KLF12: variants seen among roughly 807,000 people sequenced by gnomAD.
KLF12 encodes KLF transcription factor 12, also known as Krueppel-like factor 12.
KLF12 carries 9 observed loss-of-function variants against 37.8 expected under a neutral mutation model. The ratio of observed to expected loss-of-function variants is 0.24; its 90% confidence interval spans 0.14 to 0.42. KLF12 has a LOEUF of 0.42. Among genes scored for constraint, KLF12 ranks in the 10% least tolerant of loss-of-function variants. The pLI is 1.00. For synonymous variants in KLF12, 208 were observed against 202.1 expected (o/e 1.03, Z -0.25); for missense variants, 411 against 516.0 (o/e 0.80, Z 1.97).
chr13:74,234,670 A>G, the KLF12 span, among the ~76,000 whole-genome samples: 7 of 152,256 alleles, frequency 4.6e-5, no homozygotes, highest in East Asian at 1.2e-3. Context: ...TCGTTTGGCT[A>G]TACATACATT....
chr13:73,753,782 A>G (rs1021543319), intron 6 of KLF12, among the ~76,000 whole-genome samples: 3 of 152,202 alleles, frequency 2.0e-5, no homozygotes, highest in African/African-American at 4.8e-5. Flanking sequence ...AGGAGAAAAT[A>G]AAGAAGACAA....
Position 74,094,596 on chromosome 13 carries a change from ATCTTT to A in KLF12, c.-32+39138_-32+39142del, listed in dbSNP as rs1489073851. ...ACCCCACAACCAGAAAAGCTTTTCTATCTTTTCTTTTTTTTTTTTTTGAGATGGAG... is the reference window on the plus strand; with the variant it reads ...ACCCCACAACCAGAAAAGCTTTTCTATCTTTTTTTTTTTTTTGAGATGGAG... On this transcript the variant is annotated intron_variant, in intron 1 of 7. Coordinates refer to ENST00000377669, the MANE Select transcript of KLF12 (RefSeq NM_007249.5). 2.7e-5 allele frequency among the ~76,000 whole-genome samples: 4 copies of A among 149,732 alleles called. No individual in the cohort carries two copies. In the Admixed American group the frequency reaches 2.7e-4, roughly 10 times the overall value.
At chr13:74,153,293 A>C in the KLF12 span, among the ~76,000 whole-genome samples, 1 of 152,056 alleles carries the variant, frequency 6.6e-6, no homozygotes, top group African/African-American at 2.4e-5. Flanking sequence ...ATTCTTTCTC[A>C]ATTTTTTCTT....
intron 1 of KLF12, among the ~76,000 whole-genome samples, chr13:74,048,688 T>C (rs143509449): frequency 6.6e-6 from 1 of 152,066 alleles, no homozygotes; most frequent in Non-Finnish European, 1.5e-5. Context: ...CATAAATAAC[T>C]GACAGAAAGG....
intron 5 of KLF12, among the ~76,000 whole-genome samples, chr13:73,770,257 A>G (rs1848355535): frequency 6.6e-6 from 1 of 152,114 alleles, no homozygotes. Context: ...TCTCCTGATG[A>G]TTTAGGTTAC....
At chr13:73,813,936 T>C (rs1883076513) in intron 4 of KLF12, among the ~76,000 whole-genome samples, 1 of 152,226 alleles carries the variant, frequency 6.6e-6, no homozygotes, top group Admixed American at 6.5e-5. Context: ...TTTCCAGATA[T>C]GATTCTTCTC....
chr13:74,298,571 G>A, the KLF12 span, among the ~76,000 whole-genome samples: 1 of 152,150 alleles, frequency 6.6e-6, no homozygotes, highest in African/African-American at 2.4e-5. Flanking sequence ...ACCCATATGG[G>A]AGTTAGGAGT....
At chr13:74,291,475 G>A in the KLF12 span, among the ~76,000 whole-genome samples, 3 of 152,202 alleles carry the variant, frequency 2.0e-5, no homozygotes, top group Non-Finnish European at 4.4e-5. Context: ...TCTGGGCAAA[G>A]TCACATCCTC....
the KLF12 span, among the ~76,000 whole-genome samples, chr13:74,277,000 G>C: frequency 6.6e-6 from 1 of 152,186 alleles, no homozygotes; most frequent in Admixed American, 6.5e-5. Flanking sequence ...CAGTGCCCTT[G>C]ATGGGCCTCT....
chr13:73,802,428 A>C (rs1223351578), intron 5 of KLF12, among the ~76,000 whole-genome samples: 1 of 152,170 alleles, frequency 6.6e-6, no homozygotes, highest in East Asian at 1.9e-4. Context: ...TGTTCTTCAA[A>C]AAATCACCTT....
chr13:74,041,076 C>G (rs753100935), intron 1 of KLF12, among the ~76,000 whole-genome samples: 3 of 152,198 alleles, frequency 2.0e-5, no homozygotes, highest in Non-Finnish European at 4.4e-5. Flanking sequence ...TTCTTTCTCC[C>G]CACAAAGATA....
chr13:73,895,985 T>G (rs1887751484), intron 3 of KLF12, among the ~76,000 whole-genome samples: 1 of 152,126 alleles, frequency 6.6e-6, no homozygotes, highest in East Asian at 1.9e-4. Flanking sequence ...CACGCCTGAC[T>G]AATTTTTGTA....
chr13:73,738,022 A>ACAC (rs1566330814), intron 6 of KLF12, among the ~76,000 whole-genome samples: 270 of 92,362 alleles, frequency 2.9e-3, no homozygotes, highest in Middle Eastern at 0.016. Context: ...TCATTCAACA[A>ACAC]ACACACACAC....
At chr13:73,780,578 C>T (rs1332460161) in intron 5 of KLF12, among the ~76,000 whole-genome samples, 2 of 151,906 alleles carry the variant, frequency 1.3e-5, no homozygotes, top group Non-Finnish European at 2.9e-5. Flanking sequence ...CGCCCAAGTT[C>T]AAGCGATTCT....
the KLF12 span, among the ~76,000 whole-genome samples, chr13:74,162,186 C>T: frequency 1.3e-5 from 2 of 152,104 alleles, no homozygotes; most frequent in Admixed American, 1.3e-4. Flanking sequence ...ACCATGGGAC[C>T]TTTTTTGTAA....
At chr13:74,206,311 C>A in the KLF12 span, among the ~76,000 whole-genome samples, 1 of 152,144 alleles carries the variant, frequency 6.6e-6, no homozygotes, top group Admixed American at 6.6e-5. Context: ...TGGCTGTGTA[C>A]TACTCTGGTT....
the KLF12 span, among the ~76,000 whole-genome samples, chr13:74,176,141 A>T: frequency 2.8e-4 from 43 of 152,200 alleles, no homozygotes; most frequent in Admixed American, 9.8e-4. Context: ...AGCCATTTCA[A>T]CCTAACTTAT....
the KLF12 span, among the ~76,000 whole-genome samples, chr13:74,269,916 G>A: frequency 3.0e-3 from 453 of 152,272 alleles, 1 homozygote; most frequent in Middle Eastern, 0.01. Context: ...AGTGTTGTTG[G>A]TATTCAGTGT....
intron 5 of KLF12, among the ~76,000 whole-genome samples, chr13:73,771,902 A>G (rs570155626): frequency 4.6e-5 from 7 of 152,344 alleles, no homozygotes; most frequent in African/African-American, 1.7e-4. Context: ...AATGGTAGGA[A>G]AGCACTCCAA....
Sources: gnomAD v4.1 joint callset for allele counts (sites outside exome capture counted in the v4.1 genomes callset) on GRCh38, gnomAD v4.1.1 for gene constraint, MANE v1.5 for transcripts, NCBI Gene and HGNC (gene_info 2026-07-23, HGNC 2026-07-21) for gene names.